Variants in HLCS observed in about 807,000 individuals in gnomAD.
The protein encoded by HLCS is holocarboxylase synthetase, also known as biotin--protein ligase.
HLCS carries 53 observed loss-of-function variants against 75.0 expected under a neutral mutation model. The observed-to-expected ratio is 0.71, with a 90% CI of 0.57 to 0.89. HLCS has a LOEUF of 0.89. Ranked by LOEUF, HLCS falls within the 40% of genes least tolerant of loss-of-function variation. The pLI is 0.00. For synonymous variants in HLCS, 431 were observed against 428.6 expected (o/e 1.01, Z -0.07); for missense variants, 966 against 1,074.0 (o/e 0.90, Z 1.41).
At chr21:36,918,617 C>A (rs1397258082) in intron 5 of HLCS, among the ~76,000 whole-genome samples, 1 of 152,182 alleles carries the variant, frequency 6.6e-6, no homozygotes, top group Non-Finnish European at 1.5e-5. Context: ...AGACCCAGGA[C>A]TTAGCATGCA....
In HLCS at chr21:36,937,304, A is replaced by C. The variant is rs1202818151; in HGVS notation, c.582T>G (p.Pro194=). Reference sequence around the variant, plus strand: ...CCTGCTCAGGCTTAATCTCAAGAGAAGGTTCAGGCTTCGGCTCTAGGATCT... The same window carrying C: ...CCTGCTCAGGCTTAATCTCAAGAGACGGTTCAGGCTTCGGCTCTAGGATCT... ...QAQILEPKPE[P]SLEIKPEQDG... is the part of the protein sequence containing the mutation. The change falls in exon 4 of 11, where the codon CCT becomes CCG. Residue 194 remains proline (P), a synonymous_variant. Transcript: ENST00000674895. 3.7e-6 allele frequency: 6 copies of C among 1,614,112 alleles called. No homozygotes were observed. In the South Asian group the frequency reaches 6.6e-5, roughly 18 times the overall value.
At chr21:36,880,365 T>G (rs891740979) in intron 6 of HLCS, among the ~76,000 whole-genome samples, 5 of 152,072 alleles carry the variant, frequency 3.3e-5, no homozygotes, top group Admixed American at 6.5e-5. Context: ...GAGAAGGCAT[T>G]TTAATTGAGC....
chr21:36,868,293 A>AAGAAAG (rs145023294), intron 6 of HLCS, among the ~76,000 whole-genome samples: 8 of 148,582 alleles, frequency 5.4e-5, no homozygotes, highest in East Asian at 2.0e-4. Context: ...GAAAGAAAGA[A>AAGAAAG]AAAGAAAAAC....
chr21:36,855,487 G>C (rs964224164), intron 6 of HLCS, among the ~76,000 whole-genome samples: 3 of 138,980 alleles, frequency 2.2e-5, no homozygotes, highest in Non-Finnish European at 4.5e-5. Flanking sequence ...GCAGTGAGCC[G>C]AGATCACACC....
At chr21:36,855,214 G>A (rs1435296736) in intron 6 of HLCS, among the ~76,000 whole-genome samples, 5 of 151,756 alleles carry the variant, frequency 3.3e-5, no homozygotes, top group Non-Finnish European at 5.9e-5. Flanking sequence ...TGTATAGATC[G>A]TTTATATAAT....
intron 2 of HLCS, among the ~76,000 whole-genome samples, chr21:36,942,292 A>G (rs1253204096): frequency 1.3e-5 from 2 of 151,314 alleles, no homozygotes; most frequent in Non-Finnish European, 2.9e-5. Context: ...GAAACTGGCC[A>G]GGCTCGGAGG....
At chr21:36,982,016 T>C (rs1245814618) in intron 1 of HLCS, among the ~76,000 whole-genome samples, 1 of 152,036 alleles carries the variant, frequency 6.6e-6, no homozygotes, top group Admixed American at 6.6e-5. Context: ...AAATGAGACA[T>C]CCTATCACTG....
intron 6 of HLCS, among the ~76,000 whole-genome samples, chr21:36,798,204 G>A (rs1252585263): frequency 6.6e-6 from 1 of 152,192 alleles, no homozygotes; most frequent in Non-Finnish European, 1.5e-5. Context: ...TGTGCACAGT[G>A]TGTGTATGTG....
At chr21:36,973,391 A>G (rs2068847838) in intron 1 of HLCS, among the ~76,000 whole-genome samples, 1 of 146,918 alleles carries the variant, frequency 6.8e-6, no homozygotes, top group Non-Finnish European at 1.5e-5. Flanking sequence ...CTGAAAAAGC[A>G]CTTCAAAAAC....
rs566685507 is a variant in HLCS at position 36,848,545 on chromosome 21, G to C, written c.1892+48315C>G. On this transcript the variant is annotated intron_variant, in intron 6 of 10. Transcript: ENST00000674895. ...CAGCCTCCAAAGTGCTGGGATTACA[G>C]GCTTGAGCCACCGCGCCCAGCCTCA... is the stretch of plus-strand genomic sequence containing the variant. 1.8e-4 allele frequency among the ~76,000 whole-genome samples: 27 copies of C among 152,268 alleles called. No homozygotes were observed. The East Asian group carries it at 4.6e-3, about 26-fold the overall frequency.
chr21:36,798,519 T>TCCAC (rs1022732049), intron 6 of HLCS, among the ~76,000 whole-genome samples: 34 of 152,350 alleles, frequency 2.2e-4, no homozygotes, highest in African/African-American at 7.2e-4. Context: ...AAGGCATCCA[T>TCCAC]CTATCAACTG....
At chr21:36,848,933 C>T (rs887703521) in intron 6 of HLCS, among the ~76,000 whole-genome samples, 5 of 152,100 alleles carry the variant, frequency 3.3e-5, no homozygotes, top group African/African-American at 1.2e-4. Flanking sequence ...CAGACACCGG[C>T]TCAATGCAAG....
chr21:36,897,401 A>C (rs867163773), intron 5 of HLCS, among the ~76,000 whole-genome samples: 6 of 152,294 alleles, frequency 3.9e-5, no homozygotes, highest in Middle Eastern at 6.8e-3. Flanking sequence ...TACATCTTAC[A>C]TTCTCTCATG....
chr21:36,947,936 T>C, intron 2 of HLCS: 5 of 985,352 alleles, frequency 5.1e-6, no homozygotes, highest in Non-Finnish European at 6.0e-6. Context: ...CAACGTGAAA[T>C]TGTTAAAAAG....
chr21:36,844,332 TA>T (rs1470611805), intron 6 of HLCS, among the ~76,000 whole-genome samples: 3 of 151,284 alleles, frequency 2.0e-5, no homozygotes, highest in African/African-American at 7.3e-5. Context: ...ATGTTAATAA[TA>T]GGGGGAAACG....
chr21:36,953,377 A>C (rs941155912), intron 2 of HLCS, among the ~76,000 whole-genome samples: 1 of 152,186 alleles, frequency 6.6e-6, no homozygotes, highest in Non-Finnish European at 1.5e-5. Context: ...CTCTAGCAAG[A>C]GAGAACCACT....
intron 6 of HLCS, among the ~76,000 whole-genome samples, chr21:36,882,143 G>A (rs535148384): frequency 9.9e-5 from 15 of 151,664 alleles, no homozygotes; most frequent in African/African-American, 2.4e-4. Flanking sequence ...TTAGCCGGGC[G>A]TGGTGGCAGG....
intron 6 of HLCS, among the ~76,000 whole-genome samples, chr21:36,786,101 G>A (rs184395470): frequency 6.6e-6 from 1 of 152,242 alleles, no homozygotes; most frequent in African/African-American, 2.4e-5. Context: ...ATGTAAAGCT[G>A]CCCTTCTCCA....
At chr21:36,969,852 C>T (rs1458026834), upstream of HLCS, among the ~76,000 whole-genome samples, 1 of 152,088 alleles carries the variant, frequency 6.6e-6, no homozygotes, top group Non-Finnish European at 1.5e-5. Flanking sequence ...GGATTACAGG[C>T]GTGAGCCACC....
Sources: allele counts gnomAD v4.1 joint callset (sites outside exome capture counted in the v4.1 genomes callset), GRCh38; gene constraint gnomAD v4.1.1; transcripts MANE v1.5; gene names NCBI Gene and HGNC (gene_info 2026-07-23, HGNC 2026-07-21).